SNTB1: variants seen among roughly 807,000 people sequenced by gnomAD.
The protein encoded by SNTB1 is beta-1-syntrophin.
A neutral mutation model predicts 48.9 loss-of-function variants in SNTB1; 36 were observed. The observed-to-expected ratio is 0.74, with a 90% CI of 0.56 to 0.97. SNTB1 has a LOEUF of 0.97. Ranked by LOEUF, SNTB1 falls within the 50% of genes least tolerant of loss-of-function variation. SNTB1 has a pLI of 0.00. For synonymous variants in SNTB1, 299 were observed against 294.6 expected, an observed-to-expected ratio of 1.01 and a Z score of -0.15; for missense variants, 786 against 703.4, an observed-to-expected ratio of 1.12 and a Z score of -1.33.
intron 2 of SNTB1, among the ~76,000 whole-genome samples, chr8:120,647,014 C>G (rs980285263): frequency 1.3e-5 from 2 of 150,762 alleles, no homozygotes; most frequent in South Asian, 4.3e-4. Context: ...TGGTGATATC[C>G]CCTTTATCAT....
At chr8:120,792,989 C>G (rs1187116000) in intron 1 of SNTB1, among the ~76,000 whole-genome samples, 1 of 152,042 alleles carries the variant, frequency 6.6e-6, no homozygotes, top group Non-Finnish European at 1.5e-5. Context: ...CTCTATAGGT[C>G]TGTGTGTTGG....
intron 2 of SNTB1, among the ~76,000 whole-genome samples, chr8:120,644,289 T>A (rs1228390510): frequency 6.7e-6 from 1 of 149,720 alleles, no homozygotes; most frequent in Non-Finnish European, 1.5e-5. Context: ...ATTAGGTATA[T>A]CTCCCGAAGC....
chr8:120,794,785 A>G (rs1180019613), intron 1 of SNTB1, among the ~76,000 whole-genome samples: 1 of 152,062 alleles, frequency 6.6e-6, no homozygotes, highest in East Asian at 1.9e-4. Context: ...GAGAGGAGCC[A>G]GGGCTTTAGA....
chr8:120,603,099 A>ATTTTTTTTTTT (rs11365836), intron 3 of SNTB1, among the ~76,000 whole-genome samples: 1 of 146,626 alleles, frequency 6.8e-6, no homozygotes. Flanking sequence ...AAGTCTCTAG[A>ATTTTTTTTTTT]TTTTTTTTTT....
At chr8:120,562,698 G>A (rs1815680457) in intron 4 of SNTB1, among the ~76,000 whole-genome samples, 1 of 152,086 alleles carries the variant, frequency 6.6e-6, no homozygotes, top group Non-Finnish European at 1.5e-5. Context: ...AAATGCAATT[G>A]GCCAAACTTT....
At chr8:120,738,334 A>G (rs1425881704) in intron 1 of SNTB1, among the ~76,000 whole-genome samples, 1 of 152,172 alleles carries the variant, frequency 6.6e-6, no homozygotes, top group Non-Finnish European at 1.5e-5. Context: ...CTAAGTCATA[A>G]TAATGTAACC....
rs560086485 is a variant in SNTB1 at position 120,563,432 on chromosome 8, A to G, written c.1136+11654T>C. 1.2e-4 allele frequency among the ~76,000 whole-genome samples: 19 copies of G among 152,254 alleles called. No individual in the cohort carries two copies. The South Asian group carries it at 3.5e-3, about 28-fold the overall frequency. On this transcript the variant is annotated intron_variant, in intron 4 of 6. Transcript: ENST00000517992. ...AAACTTCCTGAGCGCACTGCTATAAACTGTACCACCAATGGACTCATAGGG... is the reference window on the plus strand; with the variant it reads ...AAACTTCCTGAGCGCACTGCTATAAGCTGTACCACCAATGGACTCATAGGG...
chr8:120,665,228 G>A (rs1264099926), intron 2 of SNTB1, among the ~76,000 whole-genome samples: 1 of 152,060 alleles, frequency 6.6e-6, no homozygotes, highest in African/African-American at 2.4e-5. Context: ...GAGGTGGGTG[G>A]ATCACTTGAG....
In SNTB1 at chr8:120,738,293, C is replaced by A. The variant is rs114578899; in HGVS notation, c.572-44385G>T. On this transcript the variant is annotated intron_variant, in intron 1 of 6. Transcript: ENST00000517992. ...CACAGTTTATGATATTTTGTTAGGG[C>A]AGCCTGAACAGATGAAGACATCAAC... 2.3e-3 allele frequency among the ~76,000 whole-genome samples: 355 copies of A among 152,214 alleles called. 1 individual carries two copies. The highest frequency in any genetic ancestry group is 8.3e-3 in the African/African-American group (344 of 41,534).
chr8:120,604,378 C>T (rs563198462), intron 3 of SNTB1, among the ~76,000 whole-genome samples: 2 of 152,174 alleles, frequency 1.3e-5, no homozygotes, highest in South Asian at 4.2e-4. Flanking sequence ...GCAGCCTTTC[C>T]ATATATCAAT....
intron 2 of SNTB1, among the ~76,000 whole-genome samples, chr8:120,668,200 C>T (rs1413948705): frequency 6.6e-6 from 1 of 152,192 alleles, no homozygotes; most frequent in Non-Finnish European, 1.5e-5. Flanking sequence ...GGCTCTCCTG[C>T]GGTTCCCTCT....
intron 1 of SNTB1, among the ~76,000 whole-genome samples, chr8:120,745,849 G>A (rs1294043981): frequency 1.3e-5 from 2 of 151,948 alleles, no homozygotes; most frequent in African/African-American, 4.8e-5. Flanking sequence ...TATCTTTACT[G>A]CCTCTAACTG....
chr8:120,689,087 T>C (rs575261832), intron 2 of SNTB1, among the ~76,000 whole-genome samples: 1 of 152,378 alleles, frequency 6.6e-6, no homozygotes, highest in African/African-American at 2.4e-5. Context: ...GCCACTAGCA[T>C]TGACATATTC....
chr8:120,654,521 C>G (rs993950194), intron 2 of SNTB1, among the ~76,000 whole-genome samples: 2 of 152,100 alleles, frequency 1.3e-5, no homozygotes, highest in African/African-American at 4.8e-5. Flanking sequence ...CACCCTCCAC[C>G]ACAGTTATGT....
At chr8:120,711,598 A>G (rs1587107398) in intron 1 of SNTB1, among the ~76,000 whole-genome samples, 1 of 152,228 alleles carries the variant, frequency 6.6e-6, no homozygotes, top group Admixed American at 6.5e-5. Flanking sequence ...CTCCATGAAA[A>G]AATACAAGTG....
At chr8:120,791,009 G>GTACTATA (rs1410096190) in intron 1 of SNTB1, among the ~76,000 whole-genome samples, 3 of 151,438 alleles carry the variant, frequency 2.0e-5, no homozygotes, top group Non-Finnish European at 3.0e-5. Context: ...ATAGTATATA[G>GTACTATA]TACTATATAC....
intron 2 of SNTB1, among the ~76,000 whole-genome samples, chr8:120,667,052 G>A (rs1176513228): frequency 6.6e-6 from 1 of 150,488 alleles, no homozygotes; most frequent in African/African-American, 2.4e-5. Flanking sequence ...TCATGGGTCA[G>A]ATTTGCTCCT....
chr8:120,673,360 G>C (rs374379952), intron 2 of SNTB1, among the ~76,000 whole-genome samples: 1 of 150,006 alleles, frequency 6.7e-6, no homozygotes, highest in Non-Finnish European at 1.5e-5. Flanking sequence ...GTGTGGTCTC[G>C]GCTCACTGCA....
At chr8:120,603,575 A>G (rs1426471385) in intron 3 of SNTB1, among the ~76,000 whole-genome samples, 1 of 152,188 alleles carries the variant, frequency 6.6e-6, no homozygotes, top group Admixed American at 6.5e-5. Flanking sequence ...AAACCTACTG[A>G]ATCAGAAACT....
Sources: gnomAD v4.1 joint callset for allele counts (sites outside exome capture counted in the v4.1 genomes callset) on GRCh38, gnomAD v4.1.1 for gene constraint, MANE v1.5 for transcripts, NCBI Gene and HGNC (gene_info 2026-07-23, HGNC 2026-07-21) for gene names.